Variants in MYO3B observed in about 807,000 individuals in gnomAD.
The protein encoded by MYO3B is myosin-IIIb.
A neutral mutation model predicts 174.6 loss-of-function variants in MYO3B; 156 were observed. That is an observed-to-expected ratio of 0.89 (90% CI 0.78 to 1.02). The LOEUF (loss-of-function observed/expected upper bound fraction) is 1.02, where lower values mean the gene tolerates loss of function less well. MYO3B is among the 50% of genes least tolerant of loss of function. The pLI, the probability that MYO3B is intolerant of heterozygous loss-of-function variation, is 0.00. For missense variants in MYO3B, 1,632 were observed against 1,639.4 expected, an observed-to-expected ratio of 1.00 and a Z score of 0.08; for synonymous variants, 563 against 569.1, an observed-to-expected ratio of 0.99 and a Z score of 0.15.
At position 170,386,273 on chromosome 2, in the gene MYO3B, G is replaced by A. The variant is rs1446017640; in HGVS notation, c.1374+1G>A. ...TCAGCATTTGACTTTCTTGGGAAAG[G>A]TATTGACTAATCTGCTTTACGTATT... On this transcript the variant is annotated splice_donor_variant, in intron 13 of 34. Transcript: ENST00000408978. LOFTEE classifies it high-confidence loss of function. The A allele has an allele frequency of 3.1e-6, 5 of 1,612,408 alleles. No homozygotes were observed. Among genetic ancestry groups the A allele is most frequent in the Admixed American group, 1.7e-5 (1 of 59,932 alleles).
intron 32 of MYO3B, among the ~76,000 whole-genome samples, chr2:170,634,071 C>CGGA (rs1198753606): frequency 6.6e-6 from 1 of 152,136 alleles, no homozygotes; most frequent in Non-Finnish European, 1.5e-5. Context: ...AATGCCATCC[C>CGGA]CATCAAGCTA....
intron 7 of MYO3B, among the ~76,000 whole-genome samples, chr2:170,303,545 G>A (rs1287132442): frequency 2.0e-5 from 3 of 151,936 alleles, no homozygotes; most frequent in Admixed American, 6.6e-5. Flanking sequence ...TGTGTCATGA[G>A]GATTTACTGT....
At chr2:170,577,344 G>A (rs1692847152) in intron 32 of MYO3B, among the ~76,000 whole-genome samples, 1 of 152,160 alleles carries the variant, frequency 6.6e-6, no homozygotes, top group South Asian at 2.1e-4. Flanking sequence ...GCTGGTTCAT[G>A]TTCACATATC....
chr2:170,637,348 T>A (rs1020936652), intron 32 of MYO3B, among the ~76,000 whole-genome samples: 1 of 151,988 alleles, frequency 6.6e-6, no homozygotes, highest in African/African-American at 2.4e-5. Flanking sequence ...ATTTTTTGTA[T>A]TTTTAGTAGA....
At chr2:170,525,558 C>T (rs1414313066) in intron 30 of MYO3B, among the ~76,000 whole-genome samples, 7 of 152,168 alleles carry the variant, frequency 4.6e-5, no homozygotes, top group Non-Finnish European at 7.3e-5. Context: ...TTTCACAAGA[C>T]GGCTTGTAAC....
chr2:170,228,960 C>CAAAAAAAAAAAAAA, intron 6 of MYO3B, among the ~76,000 whole-genome samples: 1 of 98,322 alleles, frequency 1.0e-5, no homozygotes, highest in Non-Finnish European at 2.2e-5. Context: ...ATTCCCTTTA[C>CAAAAAAAAAAAAAA]AAAAAAAAAA....
At chr2:170,431,294 T>C (rs993673012) in intron 22 of MYO3B, among the ~76,000 whole-genome samples, 2 of 152,148 alleles carry the variant, frequency 1.3e-5, no homozygotes, top group Admixed American at 6.5e-5. Flanking sequence ...GAGACTGACC[T>C]ACTGCCGACG....
chr2:170,237,140 A>T (rs1350371921), intron 7 of MYO3B, among the ~76,000 whole-genome samples: 1 of 152,236 alleles, frequency 6.6e-6, no homozygotes, highest in East Asian at 1.9e-4. Context: ...TCACAAAAAC[A>T]GGTCACAGCG....
chr2:170,297,090 A>G (rs2093633577), intron 7 of MYO3B, among the ~76,000 whole-genome samples: 1 of 152,204 alleles, frequency 6.6e-6, no homozygotes, highest in African/African-American at 2.4e-5. Flanking sequence ...ATATTGAATA[A>G]GGTTATGAAT....
intron 7 of MYO3B, chr2:170,334,147 G>C (rs1271599989): frequency 6.6e-6 from 1 of 152,176 alleles, no homozygotes; most frequent in African/African-American, 2.4e-5. Flanking sequence ...AAGAAAGAAG[G>C]GGGAAGGAGA....
At chr2:170,419,253 A>C (rs1379468856) in intron 22 of MYO3B, among the ~76,000 whole-genome samples, 1 of 152,236 alleles carries the variant, frequency 6.6e-6, no homozygotes, top group Non-Finnish European at 1.5e-5. Context: ...GAGGTCTAGG[A>C]AACTCTTTAT....
chr2:170,205,830 G>A (rs986992660), intron 3 of MYO3B, among the ~76,000 whole-genome samples: 6 of 151,712 alleles, frequency 4.0e-5, no homozygotes, highest in African/African-American at 7.3e-5. Context: ...GAGACCTCCT[G>A]CCTAAAATCT....
chr2:170,440,006 T>G (rs1302696989), intron 22 of MYO3B, among the ~76,000 whole-genome samples: 1 of 152,206 alleles, frequency 6.6e-6, no homozygotes, highest in African/African-American at 2.4e-5. Flanking sequence ...CATTTTAATC[T>G]TCAAGCCATT....
At chr2:170,251,727 CA>C (rs1371155550) in intron 7 of MYO3B, among the ~76,000 whole-genome samples, 1 of 152,170 alleles carries the variant, frequency 6.6e-6, no homozygotes, top group Admixed American at 6.5e-5. Flanking sequence ...AATTGTAAGA[CA>C]ATAAATTTCT....
intron 32 of MYO3B, among the ~76,000 whole-genome samples, chr2:170,581,302 G>A (rs1420341004): frequency 6.6e-6 from 1 of 152,120 alleles, no homozygotes; most frequent in Non-Finnish European, 1.5e-5. Context: ...ACTTTTTGGT[G>A]AACTACGTAT....
chr2:170,195,971 G>C (rs914148891), intron 1 of MYO3B, among the ~76,000 whole-genome samples: 2 of 152,156 alleles, frequency 1.3e-5, no homozygotes, highest in African/African-American at 4.8e-5. Context: ...TTGATGTTCA[G>C]TAATTTTAAC....
In MYO3B at chr2:170,619,737, CTTTTTTT is replaced by C. The variant is rs71412032; in HGVS notation, c.3734-31870_3734-31864del. On this transcript the variant is annotated intron_variant, in intron 32 of 34. Transcript: ENST00000408978. Reference sequence around the variant, plus strand: ...GATGGCCCATCACTGCTGCCATATTCTTTTTTTTTTTTTTTTTTTTTTTTTTTGAGAC... The same window carrying C: ...GATGGCCCATCACTGCTGCCATATTCTTTTTTTTTTTTTTTTTTTTGAGAC... Among the ~76,000 whole-genome samples the C allele has an allele frequency of 1.4e-3, 73 of 50,774 alleles. 1 individual carries two copies. Among genetic ancestry groups the C allele is most frequent in the African/African-American group, 2.5e-3 (30 of 12,078 alleles). 33.3% of individuals were successfully genotyped at this position (50,774 alleles called of 152,430 possible).
chr2:170,617,357 A>C (rs1695525916), intron 32 of MYO3B, among the ~76,000 whole-genome samples: 1 of 152,220 alleles, frequency 6.6e-6, no homozygotes, highest in East Asian at 1.9e-4. Flanking sequence ...ATATTGATTA[A>C]AGGATGAGTC....
chr2:170,265,069 T>A (rs1347703831), intron 7 of MYO3B, among the ~76,000 whole-genome samples: 2 of 152,224 alleles, frequency 1.3e-5, no homozygotes, highest in Non-Finnish European at 2.9e-5. Context: ...TTTAGAATGC[T>A]GTGATTATAA....
Sources: gnomAD v4.1 joint callset for allele counts (sites outside exome capture counted in the v4.1 genomes callset) on GRCh38, gnomAD v4.1.1 for gene constraint, MANE v1.5 for transcripts, NCBI Gene and HGNC (gene_info 2026-07-23, HGNC 2026-07-21) for gene names.